The following GPA33 variants were observed in gnomAD, a reference collection of about 807,000 sequenced individuals.
GPA33 encodes the protein cell surface A33 antigen.
In GPA33, 27 loss-of-function variants were observed where a neutral mutation model predicts 35.6. The observed-to-expected ratio is 0.76, with a 90% CI of 0.56 to 1.04. GPA33 has a LOEUF of 1.04. Ranked by LOEUF, GPA33 falls within the 50% of genes least tolerant of loss-of-function variation. GPA33 has a pLI of 0.00. For missense variants in GPA33, 428 were observed against 411.9 expected (o/e 1.04, Z -0.34); for synonymous variants, 176 against 164.0 (o/e 1.07, Z -0.56).
rs1183206206 is a variant in GPA33 at position 167,055,027 on chromosome 1, C to T, written c.776G>A (p.Cys259Tyr). The T allele has an allele frequency of 1.2e-6, 2 of 1,613,934 alleles. No individual in the cohort carries two copies. Among genetic ancestry groups the T allele is most frequent in the African/African-American group, 1.3e-5 (1 of 74,920 alleles). Residue 259 changes from cysteine to tyrosine, a missense_variant, in exon 6 of 7, where the codon TGC becomes TAC. Coordinates refer to ENST00000367868, the MANE Select transcript of GPA33 (RefSeq NM_005814.3). The part of the protein sequence containing the change: ...LIIIGIIIYC[C>Y]CCRGKDDNTE... ...GTTGTCGTCCTTCCCTCGGCAGCAGCAGCAGTAGATGATGATGCCAATGAT... is the reference window on the plus strand; with the variant it reads ...GTTGTCGTCCTTCCCTCGGCAGCAGTAGCAGTAGATGATGATGCCAATGAT...
At chr1:167,073,734 C>G (rs1433507621) in intron 1 of GPA33, among the ~76,000 whole-genome samples, 195 bp from the exon 2 acceptor site, 6 of 152,136 alleles carry the variant, frequency 3.9e-5, no homozygotes, top group African/African-American at 1.4e-4. Flanking sequence ...ACACATGGGC[C>G]TTGGTCCACC....
chr1:167,084,735 T>G (rs1667017567), intron 1 of GPA33, among the ~76,000 whole-genome samples: 1 of 152,224 alleles, frequency 6.6e-6, no homozygotes, highest in Non-Finnish European at 1.5e-5. Context: ...GGTCTTCCAA[T>G]GCCGGTTAAG....
intron 4 of GPA33, among the ~76,000 whole-genome samples, chr1:167,059,118 G>C (rs145138251): frequency 3.5e-4 from 53 of 152,204 alleles, no homozygotes; most frequent in African/African-American, 1.3e-3. Context: ...GGGAACATGG[G>C]GTTTCCTAGT....
At chr1:167,063,781 G>C in intron 3 of GPA33, 44 bp from the exon 4 acceptor site, 1 of 1,564,626 alleles carries the variant, frequency 6.4e-7, no homozygotes. Flanking sequence ...GGCAGGTGGG[G>C]CTTGGTGACA....
intron 1 of GPA33, among the ~76,000 whole-genome samples, chr1:167,081,435 C>T (rs1475484824): frequency 6.6e-6 from 1 of 152,180 alleles, no homozygotes; most frequent in Admixed American, 6.5e-5. Flanking sequence ...TGTCCTTCCT[C>T]TATGGGCAGG....
chr1:167,063,641 G>C lies in GPA33; in HGVS notation c.512C>G (p.Pro171Arg). ...TCQSKEGSPT[P>R]QYSWKRYNIL... Reference sequence around the variant, plus strand: ...GTTGTACCTCTTCCAGCTGTACTGAGGGGTTGGTGAGCCCTCCTTTGATTG... The same window carrying C: ...GTTGTACCTCTTCCAGCTGTACTGACGGGTTGGTGAGCCCTCCTTTGATTG... Residue 171 changes from proline to arginine, a missense_variant, in exon 4 of 7, where the codon CCT (proline) becomes CGT (arginine). Transcript: ENST00000367868. 6.2e-7 allele frequency: 1 copy of C among 1,613,794 alleles called. No homozygotes were observed. Among genetic ancestry groups the C allele is most frequent in the Middle Eastern group, 1.7e-4 (1 of 5,780 alleles).
chr1:167,074,600 C>T (rs1047577879), intron 1 of GPA33, among the ~76,000 whole-genome samples: 2 of 152,122 alleles, frequency 1.3e-5, no homozygotes, highest in East Asian at 3.9e-4. Flanking sequence ...GTTTGTTATA[C>T]AGAATAGATG....
At chr1:167,087,136 A>T (rs1051573448) in intron 1 of GPA33, among the ~76,000 whole-genome samples, 2 of 152,146 alleles carry the variant, frequency 1.3e-5, no homozygotes, top group African/African-American at 4.8e-5. Context: ...GGGGCAGCGC[A>T]TGGCGGCTTT....
At chr1:167,063,546 G>C (rs1489802347) in intron 4 of GPA33, 36 bp downstream of exon 4, 1 of 1,569,528 alleles carries the variant, frequency 6.4e-7, no homozygotes, top group African/African-American at 1.4e-5. Context: ...GTTGCACTTT[G>C]ACGTGGGGAG....
chr1:167,054,382 T>A lies in GPA33; in HGVS notation c.912A>T (p.Glu304Asp). 1 of 1,614,132 alleles carries A rather than the reference T, an allele frequency of 6.2e-7. No individual in the cohort carries two copies. The highest frequency in any genetic ancestry group is 8.5e-7 in the Non-Finnish European group (1 of 1,180,012). Residue 304 changes from glutamate to aspartate, a missense_variant, in exon 7 of 7, where the codon GAA (glutamate) becomes GAT (aspartate). Glu to Asp is a conservative substitution (Grantham distance 45, BLOSUM62 2). Coordinates refer to ENST00000367868, the MANE Select transcript of GPA33 (RefSeq NM_005814.3). The part of the protein sequence containing the change: ...EREEEDDYRQ[E>D]EQRSTGRESP... Reference sequence around the variant, plus strand: ...ATTCACGCCCAGTGCTCCTCTGCTCTTCTTGCCTGTAGTCATCCTCCTCCT... The same window carrying A: ...ATTCACGCCCAGTGCTCCTCTGCTCATCTTGCCTGTAGTCATCCTCCTCCT...
intron 3 of GPA33, among the ~76,000 whole-genome samples, chr1:167,064,571 A>G (rs1231862250): frequency 2.6e-5 from 4 of 152,206 alleles, no homozygotes; most frequent in African/African-American, 7.2e-5. Flanking sequence ...CCAGGTGGCA[A>G]TATTTAGGCT....
chr1:167,072,704 A>T (rs888811824), intron 2 of GPA33, among the ~76,000 whole-genome samples: 1 of 152,220 alleles, frequency 6.6e-6, no homozygotes, highest in East Asian at 1.9e-4. Flanking sequence ...TTGAAAAATG[A>T]GATAGATAAA....
chr1:167,080,588 G>A (rs976347093), intron 1 of GPA33, among the ~76,000 whole-genome samples: 6 of 152,174 alleles, frequency 3.9e-5, no homozygotes, highest in Non-Finnish European at 8.8e-5. Flanking sequence ...TCCTAACTGT[G>A]TAACCTTAGG....
chr1:167,073,862 A>G (rs1192591744), intron 1 of GPA33, among the ~76,000 whole-genome samples: 4 of 152,004 alleles, frequency 2.6e-5, no homozygotes, highest in Non-Finnish European at 5.9e-5. Flanking sequence ...GAGCTCTAAT[A>G]CTTATTTCCT....
chr1:167,067,957 G>A (rs2087835829), intron 3 of GPA33, among the ~76,000 whole-genome samples: 3 of 152,104 alleles, frequency 2.0e-5, no homozygotes, highest in Non-Finnish European at 4.4e-5. Flanking sequence ...GGGGTAGGGT[G>A]GAAGGAGACC....
chr1:167,067,154 C>CTTGCTCGCTTGCTCGCTTGT (rs1666614676), intron 3 of GPA33, among the ~76,000 whole-genome samples: 1 of 152,008 alleles, frequency 6.6e-6, no homozygotes, highest in African/African-American at 2.4e-5. Flanking sequence ...TGTTTGCTTG[C>CTTGCTCGCTTGCTCGCTTGT]TTGCTCGCTT....
At chr1:167,080,555 G>T (rs1399898654) in intron 1 of GPA33, among the ~76,000 whole-genome samples, 1 of 152,192 alleles carries the variant, frequency 6.6e-6, no homozygotes, top group Non-Finnish European at 1.5e-5. Flanking sequence ...AACTATCCGG[G>T]TTGGCATCCT....
intron 1 of GPA33, 43 bp from the exon 2 acceptor site, chr1:167,073,582 GGACA>G: frequency 6.4e-7 from 1 of 1,559,252 alleles, no homozygotes; most frequent in East Asian, 2.3e-5. Context: ...TAAGCGACAC[GGACA>G]GACATACCCA....
In GPA33 at chr1:167,061,440, G is replaced by C. The variant is rs373865352; in HGVS notation, c.571+2142C>G. Among the ~76,000 whole-genome samples the C allele has an allele frequency of 9.2e-5, 14 of 152,218 alleles. No homozygotes were observed. The East Asian group carries it at 2.5e-3, about 27-fold the overall frequency. Reference sequence around the variant, plus strand: ...AGAGAGGAGGCCACAGAGCCCCCGGGGAGCTGCCAGGTGGTTTCAACAAAA... The same window carrying C: ...AGAGAGGAGGCCACAGAGCCCCCGGCGAGCTGCCAGGTGGTTTCAACAAAA... On this transcript the variant is annotated intron_variant, in intron 4 of 6. Coordinates refer to ENST00000367868, the MANE Select transcript of GPA33 (RefSeq NM_005814.3).
Sources: gnomAD v4.1 joint callset for allele counts (sites outside exome capture counted in the v4.1 genomes callset) on GRCh38, gnomAD v4.1.1 for gene constraint, MANE v1.5 for transcripts, NCBI Gene and HGNC (gene_info 2026-07-23, HGNC 2026-07-21) for gene names.